IL1RAPL1: variants seen among roughly 807,000 people sequenced by gnomAD.
IL1RAPL1 encodes the protein interleukin 1 receptor accessory protein like 1, also known as interleukin-1 receptor accessory protein-like 1.
Under a neutral mutation model 48.4 loss-of-function variants are expected in IL1RAPL1, and 3 were observed. That is an observed-to-expected ratio of 0.06 (90% confidence interval 0.03 to 0.16). The LOEUF (loss-of-function observed/expected upper bound fraction) is 0.16. Ranked by LOEUF, IL1RAPL1 falls within the 10% of genes least tolerant of loss-of-function variation. The probability of loss-of-function intolerance (pLI) is 1.00; values close to 1 mark genes in which losing one functional copy is unlikely to be tolerated. For synonymous variants in IL1RAPL1, 185 were observed against 187.7 expected (o/e 0.99, Z 0.12); for missense variants, 349 against 530.6 (o/e 0.66, Z 3.36).
chrX:29,281,606 C>A (rs1460902194), intron 2 of IL1RAPL1, among the ~76,000 whole-genome samples: 1 of 111,629 alleles, frequency 9.0e-6, no homozygotes, highest in Non-Finnish European at 1.9e-5. Context: ...TGGGAAAAAA[C>A]CACTCCCAGA....
intron 6 of IL1RAPL1, among the ~76,000 whole-genome samples, chrX:29,832,148 T>G (rs1486994276): frequency 8.9e-6 from 1 of 111,923 alleles, no homozygotes; most frequent in Non-Finnish European, 1.9e-5. Context: ...TCTCAAGGAC[T>G]GATAAATACT....
chrX:29,178,910 G>A (rs1453823732), intron 2 of IL1RAPL1, among the ~76,000 whole-genome samples: 1 of 111,555 alleles, frequency 9.0e-6, no homozygotes, highest in Non-Finnish European at 1.9e-5. Flanking sequence ...GGTTGTAGAT[G>A]TGTGGAATTA....
intron 5 of IL1RAPL1, 63 bp downstream of exon 5, chrX:29,399,371 A>G: frequency 2.2e-6 from 2 of 897,584 alleles, no homozygotes; most frequent in Admixed American, 4.5e-5. Flanking sequence ...GTTAGTTTTT[A>G]TGCTACACAT....
chrX:29,416,066 A>T (rs1278979369), intron 5 of IL1RAPL1, among the ~76,000 whole-genome samples: 1 of 111,682 alleles, frequency 9.0e-6, no homozygotes, highest in African/African-American at 3.3e-5. Context: ...CTAATTTCTT[A>T]TTATACTCAC....
At chrX:28,794,281 A>G (rs188656292) in intron 2 of IL1RAPL1, among the ~76,000 whole-genome samples, 3 of 111,055 alleles carry the variant, frequency 2.7e-5, no homozygotes, top group African/African-American at 6.5e-5. Flanking sequence ...GGGTAAGGAA[A>G]ATGATTCTTC....
At chrX:28,797,852 G>A (rs1210658248) in intron 2 of IL1RAPL1, among the ~76,000 whole-genome samples, 2 of 111,715 alleles carry the variant, frequency 1.8e-5, no homozygotes, top group Admixed American at 1.9e-4. Context: ...TCATGCTGCT[G>A]ATAAGGACAT....
At chrX:29,047,956 C>T (rs1446101320) in intron 2 of IL1RAPL1, among the ~76,000 whole-genome samples, 1 of 111,023 alleles carries the variant, frequency 9.0e-6, no homozygotes, top group African/African-American at 3.3e-5. Flanking sequence ...GCATTACATA[C>T]CACCCTTGTA....
At chrX:28,705,644 A>G (rs1219409192) in intron 1 of IL1RAPL1, among the ~76,000 whole-genome samples, 1 of 111,818 alleles carries the variant, frequency 8.9e-6, no homozygotes, top group African/African-American at 3.3e-5. Flanking sequence ...GGAGTGGCCA[A>G]CATGTAAACA....
At chrX:29,651,977 CTGTAG>C (rs761812562) in intron 5 of IL1RAPL1, among the ~76,000 whole-genome samples, 3 of 111,188 alleles carry the variant, frequency 2.7e-5, no homozygotes, top group East Asian at 5.6e-4. Flanking sequence ...TTCTGAATTC[CTGTAG>C]TGTATTTTCA....
intron 5 of IL1RAPL1, among the ~76,000 whole-genome samples, chrX:29,459,395 G>A (rs1934777301): frequency 9.0e-6 from 1 of 111,656 alleles, no homozygotes; most frequent in Non-Finnish European, 1.9e-5. Flanking sequence ...AGCTTGACAG[G>A]CAATTATAGA....
At chrX:29,136,676 T>C (rs1929135458) in intron 2 of IL1RAPL1, among the ~76,000 whole-genome samples, 1 of 111,577 alleles carries the variant, frequency 9.0e-6, no homozygotes, top group Non-Finnish European at 1.9e-5. Context: ...TGTGTGATCT[T>C]GAATAAGTTA....
At chrX:28,613,802 T>A (rs1011122919) in intron 1 of IL1RAPL1, among the ~76,000 whole-genome samples, 6 of 112,217 alleles carry the variant, frequency 5.3e-5, no homozygotes, top group African/African-American at 1.9e-4. Context: ...TGCCATACTT[T>A]AACTTGCTGA....
intron 5 of IL1RAPL1, among the ~76,000 whole-genome samples, chrX:29,500,995 A>G (rs1382571270): frequency 9.0e-6 from 1 of 111,602 alleles, no homozygotes; most frequent in Non-Finnish European, 1.9e-5. Context: ...CCATTTTAAC[A>G]TGGGTGAAAT....
intron 2 of IL1RAPL1, among the ~76,000 whole-genome samples, chrX:29,103,366 T>C (rs1439705207): frequency 9.0e-6 from 1 of 111,571 alleles, no homozygotes; most frequent in African/African-American, 3.3e-5. Flanking sequence ...GAACATACAT[T>C]GAGTAAAAAA....
chrX:29,769,151 T>A (rs1928986164), intron 6 of IL1RAPL1, among the ~76,000 whole-genome samples: 1 of 111,781 alleles, frequency 8.9e-6, no homozygotes, highest in South Asian at 3.7e-4. Context: ...CTTTTGTGCC[T>A]GACTTCTTTC....
intron 2 of IL1RAPL1, among the ~76,000 whole-genome samples, chrX:29,134,981 C>T: frequency 8.9e-6 from 1 of 111,959 alleles, no homozygotes; most frequent in Non-Finnish European, 1.9e-5. Flanking sequence ...TATTATTTTA[C>T]ATATTCATGT....
Position 29,132,283 on chromosome X carries a change from C to T in IL1RAPL1, c.83-150655C>T, listed in dbSNP as rs182549408. On this transcript the variant is annotated intron_variant, in intron 2 of 10. Transcript: ENST00000378993. ...ATATGCCACATAATGACATTTTGGT[C>T]AATGATGGACCACATATTTGACTGT... 1.7e-4 allele frequency among the ~76,000 whole-genome samples: 19 copies of T among 111,633 alleles called. No homozygotes were observed. In the East Asian group the frequency reaches 5.4e-3, roughly 32 times the overall value.
chrX:29,306,879 A>G (rs894198724), intron 3 of IL1RAPL1, among the ~76,000 whole-genome samples: 1 of 108,071 alleles, frequency 9.3e-6, no homozygotes, highest in African/African-American at 3.4e-5. Flanking sequence ...AAAAAAAAAA[A>G]AAAGAAATTG....
intron 1 of IL1RAPL1, among the ~76,000 whole-genome samples, chrX:28,779,661 TATATATATATATATATAG>T (rs1936399865): frequency 1.1e-5 from 1 of 87,514 alleles, no homozygotes; most frequent in South Asian, 5.9e-4. Flanking sequence ...TATATATATA[TATATATATATATATATAG>T]AATGTGGAAA....
Sources: gnomAD v4.1 joint callset for allele counts (sites outside exome capture counted in the v4.1 genomes callset) on GRCh38, gnomAD v4.1.1 for gene constraint, MANE v1.5 for transcripts, NCBI Gene and HGNC (gene_info 2026-07-23, HGNC 2026-07-21) for gene names.